ARHGEF28: variants seen among roughly 807,000 people sequenced by gnomAD.
ARHGEF28 encodes Rho guanine nucleotide exchange factor 28, also known as 190 kDa guanine nucleotide exchange factor.
ARHGEF28 carries 152 observed loss-of-function variants against 206.6 expected under a neutral mutation model. That is an observed-to-expected ratio of 0.74 (90% CI 0.64 to 0.84). The LOEUF is 0.84. ARHGEF28 is among the 40% of genes least tolerant of loss of function. The probability of loss-of-function intolerance (pLI) is 0.00; values close to 1 mark genes in which losing one functional copy is unlikely to be tolerated. For synonymous variants in ARHGEF28, 763 were observed against 776.4 expected (o/e 0.98, Z 0.29); for missense variants, 2,028 against 2,073.2 (o/e 0.98, Z 0.42).
intron 5 of ARHGEF28, among the ~76,000 whole-genome samples, chr5:73,775,514 T>G (rs1753489306): frequency 6.6e-6 from 1 of 152,212 alleles, no homozygotes; most frequent in Non-Finnish European, 1.5e-5. Flanking sequence ...AGAGTAAAAC[T>G]GTTCTTTAAG....
intron 2 of ARHGEF28, among the ~76,000 whole-genome samples, chr5:73,705,484 A>G (rs1748876408): frequency 6.6e-6 from 1 of 152,236 alleles, no homozygotes; most frequent in Admixed American, 6.5e-5. Flanking sequence ...ATCAAGCAGC[A>G]CATGGCACAT....
intron 2 of ARHGEF28, among the ~76,000 whole-genome samples, chr5:73,712,388 T>G (rs1469950724): frequency 6.6e-6 from 1 of 152,226 alleles, no homozygotes; most frequent in Non-Finnish European, 1.5e-5. Context: ...ATACTATACA[T>G]AGTCTACCTT....
At chr5:73,658,962 T>TACACACACACACACACAC (rs55877309) in intron 1 of ARHGEF28, among the ~76,000 whole-genome samples, 10 of 124,742 alleles carry the variant, frequency 8.0e-5, no homozygotes. Flanking sequence ...TGCATGCAGG[T>TACACACACACACACACAC]ACACACACAC....
Position 73,858,122 on chromosome 5 carries a change from G to A in ARHGEF28, c.1950G>A (p.Leu650=), listed in dbSNP as rs1213398019. ...KSKDAKDKEK[L]NRHQFAPGTF... is the part of the protein sequence containing the mutation. ...AGGATGCCAAAGATAAAGAGAAGCT[G>A]AATCGACATCAGTTTGCCCCAGGAA... is the stretch of plus-strand genomic sequence containing the variant. Residue 650 remains leucine, a synonymous_variant, in exon 16 of 36, where the codon CTG becomes CTA. Coordinates refer to ENST00000513042, the MANE Select transcript of ARHGEF28 (RefSeq NM_001177693.2). The A allele has an allele frequency of 2.1e-5, 34 of 1,612,142 alleles. No homozygotes were observed. The highest frequency in any genetic ancestry group is 6.7e-5 in the East Asian group (3 of 44,840).
chr5:73,902,440 T>C (rs1228871525), intron 31 of ARHGEF28: 2 of 152,186 alleles, frequency 1.3e-5, no homozygotes, highest in Non-Finnish European at 2.9e-5. Context: ...CCTCTTCCAC[T>C]CCAATTCAGC....
Position 73,926,756 on chromosome 5 carries a change from G to T in ARHGEF28, c.4949-14088G>T, listed in dbSNP as rs75492361. Among the ~76,000 whole-genome samples the T allele has an allele frequency of 6.1e-3, 925 of 152,296 alleles. 18 individuals are homozygous for T. Among genetic ancestry groups the T allele is most frequent in the East Asian group, 0.04 (206 of 5,182 alleles). On this transcript the variant is annotated intron_variant, in intron 35 of 35. Coordinates refer to ENST00000513042, the MANE Select transcript of ARHGEF28 (RefSeq NM_001177693.2). ...CTCTCTTTGGAGAGTCTTTGAGATG[G>T]TGTCCACCTGTGGACAATGTTCATT...
chr5:73,706,397 G>A (rs1353428084), intron 2 of ARHGEF28, among the ~76,000 whole-genome samples: 1 of 151,746 alleles, frequency 6.6e-6, no homozygotes, highest in African/African-American at 2.4e-5. Flanking sequence ...CCACATTGAC[G>A]ATGATTTTGA....
At position 73,917,597 on chromosome 5, in the gene ARHGEF28, G is replaced by A. The variant is rs1235824875; in HGVS notation, c.4948+6022G>A. Among the ~76,000 whole-genome samples the A allele has an allele frequency of 2.0e-5, 3 of 152,208 alleles. 1 individual carries two copies. The highest frequency in any genetic ancestry group is 2.0e-4 in the Admixed American group (3 of 15,288). ...GGGCCATCCCGCCTCAGCACACAGA[G>A]CCTAAGACACAGCAGGAGAGCAAAA... On this transcript the variant is annotated intron_variant, in intron 35 of 35. Transcript: ENST00000513042.
intron 2 of ARHGEF28, among the ~76,000 whole-genome samples, chr5:73,744,035 T>A (rs1443623187): frequency 6.6e-6 from 1 of 152,066 alleles, no homozygotes; most frequent in Non-Finnish European, 1.5e-5. Flanking sequence ...ATAAACAAGG[T>A]TCATAATAAT....
chr5:73,807,711 C>T (rs1439000227), intron 9 of ARHGEF28, among the ~76,000 whole-genome samples: 1 of 151,952 alleles, frequency 6.6e-6, no homozygotes, highest in Non-Finnish European at 1.5e-5. Flanking sequence ...GTCTCGAACT[C>T]CTGACCTCAG....
rs188408383 is a variant in ARHGEF28 at position 73,751,827 on chromosome 5, G to A, written c.182-1082G>A. Among the ~76,000 whole-genome samples, 9 of 152,238 alleles carry A rather than the reference G, an allele frequency of 5.9e-5. No individual in the cohort carries two copies. The East Asian group carries it at 1.7e-3, about 29-fold the overall frequency. On this transcript the variant is annotated intron_variant, in intron 3 of 35. Transcript: ENST00000513042. ...TTACCAGGACAACCTTTCAAAATCTGTAAGACAGATTTATTTAATATTTCC... is the reference window on the plus strand; with the variant it reads ...TTACCAGGACAACCTTTCAAAATCTATAAGACAGATTTATTTAATATTTCC...
chr5:73,683,503 C>T (rs1182779181), intron 1 of ARHGEF28, among the ~76,000 whole-genome samples: 1 of 151,828 alleles, frequency 6.6e-6, no homozygotes, highest in Non-Finnish European at 1.5e-5. Context: ...GTAATGTTGT[C>T]AAGGCTTGTC....
chr5:73,739,348 T>G (rs1751219619), intron 2 of ARHGEF28, among the ~76,000 whole-genome samples: 1 of 152,166 alleles, frequency 6.6e-6, no homozygotes, highest in South Asian at 2.1e-4. Context: ...TGGAAACATA[T>G]TTCCCAAATG....
intron 14 of ARHGEF28, among the ~76,000 whole-genome samples, chr5:73,856,161 G>C (rs143397691): frequency 2.0e-5 from 3 of 152,148 alleles, no homozygotes; most frequent in Non-Finnish European, 2.9e-5. Flanking sequence ...TTGCAAATTA[G>C]GATGTGTAAG....
At chr5:73,892,012 A>G (rs780098855) in intron 26 of ARHGEF28, 40 bp from the exon 27 acceptor site, 6 of 1,554,936 alleles carry the variant, frequency 3.9e-6, no homozygotes, top group South Asian at 3.6e-5. Flanking sequence ...TACTTTAGCT[A>G]GGATGCTGTT....
At chr5:73,762,783 T>C (rs1282432929) in intron 4 of ARHGEF28, among the ~76,000 whole-genome samples, 1 of 152,168 alleles carries the variant, frequency 6.6e-6, no homozygotes, top group East Asian at 1.9e-4. Context: ...ATCCTTTGTA[T>C]AATGAGAGGC....
At chr5:73,839,758 G>A (rs79999067) in intron 10 of ARHGEF28, among the ~76,000 whole-genome samples, 92 of 152,242 alleles carry the variant, frequency 6.0e-4, no homozygotes, top group Non-Finnish European at 1.1e-3. Context: ...TTATTTACAG[G>A]TAATTTGAAA....
chr5:73,708,263 T>C (rs1749051589), intron 2 of ARHGEF28, among the ~76,000 whole-genome samples: 1 of 152,128 alleles, frequency 6.6e-6, no homozygotes, highest in Non-Finnish European at 1.5e-5. Context: ...GTATATTGCA[T>C]GATGCTGAAG....
intron 7 of ARHGEF28, among the ~76,000 whole-genome samples, chr5:73,788,436 T>C (rs1289729775): frequency 1.3e-5 from 2 of 152,184 alleles, no homozygotes; most frequent in Non-Finnish European, 2.9e-5. Flanking sequence ...GCTTAACTAC[T>C]CATAGCCCAC....
Sources: allele counts gnomAD v4.1 joint callset (sites outside exome capture counted in the v4.1 genomes callset), GRCh38; gene constraint gnomAD v4.1.1; transcripts MANE v1.5; gene names NCBI Gene and HGNC (gene_info 2026-07-23, HGNC 2026-07-21).